The following PPP6R2 variants were observed in gnomAD, a reference collection of about 807,000 sequenced individuals.
PPP6R2 encodes serine/threonine-protein phosphatase 6 regulatory subunit 2.
A neutral mutation model predicts 100.2 loss-of-function variants in PPP6R2; 62 were observed. The ratio of observed to expected loss-of-function variants is 0.62; its 90% confidence interval spans 0.50 to 0.76. The LOEUF is 0.76. Among genes scored for constraint, PPP6R2 ranks in the 30% least tolerant of loss-of-function variants. The pLI is 0.00. For synonymous variants in PPP6R2, 525 were observed against 514.7 expected (o/e 1.02, Z -0.27); for missense variants, 1,142 against 1,276.3 (o/e 0.89, Z 1.60).
chr22:50,422,185 A>C (rs913486167), intron 8 of PPP6R2, 69 bp from the exon 9 acceptor site: 15 of 1,565,912 alleles, frequency 9.6e-6, no homozygotes, highest in African/African-American at 1.4e-5. Flanking sequence ...AAGCGGGTGC[A>C]CTGAGTTGCT....
chr22:50,431,021 G>A lies in PPP6R2; in HGVS notation c.1126-152G>A. 1.5e-6 allele frequency: 1 copy of A among 681,748 alleles called. No individual in the cohort carries two copies. Among genetic ancestry groups the A allele is most frequent in the South Asian group, 1.8e-5 (1 of 56,812 alleles). 42.2% of individuals were successfully genotyped at this position (681,748 alleles called of 1,614,324 possible). A position where few individuals can be genotyped will look rare whatever the true frequency, so the allele number is the denominator to read the frequency against. On this transcript the variant is annotated intron_variant, in intron 10 of 23. Transcript: ENST00000612753. The surrounding 1 kb of genome is among the most constrained non-coding windows in gnomAD (Gnocchi z 4.8). ...CTCCGTAATAGAGAGATGACCCTCAGGAAAACGCTTAAAACTCCTTCCTAG... is the reference window on the plus strand; with the variant it reads ...CTCCGTAATAGAGAGATGACCCTCAAGAAAACGCTTAAAACTCCTTCCTAG...
chr22:50,393,421 T>G, intron 2 of PPP6R2: 2 of 985,120 alleles, frequency 2.0e-6, no homozygotes. Context: ...CAGTGTTCAC[T>G]CAGGACAGAA....
intron 1 of PPP6R2, among the ~76,000 whole-genome samples, chr22:50,351,641 T>G (rs2045290729): frequency 6.6e-6 from 1 of 152,078 alleles, no homozygotes; most frequent in African/African-American, 2.4e-5. Flanking sequence ...TTGTTTTTTG[T>G]TTTTTGTTTT....
intron 2 of PPP6R2, among the ~76,000 whole-genome samples, chr22:50,372,520 G>T (rs1569320051): frequency 6.6e-6 from 1 of 151,986 alleles, no homozygotes; most frequent in Non-Finnish European, 1.5e-5. Context: ...CTGTACTCCA[G>T]TCTGGGCGAC....
the PPP6R2 span, among the ~76,000 whole-genome samples, chr22:50,334,082 G>A: frequency 6.6e-6 from 1 of 152,272 alleles, no homozygotes; most frequent in Non-Finnish European, 1.5e-5. Flanking sequence ...GCGGAGCCAG[G>A]TGTACAGGGC....
intron 1 of PPP6R2, among the ~76,000 whole-genome samples, chr22:50,367,770 CTT>C (rs907381881): frequency 1.3e-5 from 2 of 152,050 alleles, no homozygotes; most frequent in Non-Finnish European, 2.9e-5. Flanking sequence ...GGGTTTTTCT[CTT>C]TGTGTGCGGA....
chr22:50,338,687 GGTGTGTGTGGTGTGTGTAGGGTGTGTGGT>G (rs1569218431), upstream of PPP6R2, among the ~76,000 whole-genome samples: 1 of 138,120 alleles, frequency 7.2e-6, no homozygotes, highest in East Asian at 2.3e-4. Flanking sequence ...TGTAGTATGT[GGTGTGTGTGGTGTGTGTAGGGTGTGTGGT>G]GTGTGTGTGG....
chr22:50,386,993 C>G (rs1031452473), intron 2 of PPP6R2, among the ~76,000 whole-genome samples: 3 of 152,128 alleles, frequency 2.0e-5, no homozygotes, highest in Non-Finnish European at 4.4e-5. Context: ...CCTGCTCTTC[C>G]GCGGTACCTT....
intron 2 of PPP6R2, among the ~76,000 whole-genome samples, chr22:50,392,340 G>GA (rs34539629): frequency 0.028 from 3,288 of 117,530 alleles, 119 homozygotes; most frequent in African/African-American, 0.087. Flanking sequence ...TGTCTCTACA[G>GA]AAAAAAAAAA....
intron 1 of PPP6R2, among the ~76,000 whole-genome samples, chr22:50,359,624 T>A (rs562320116): frequency 3.3e-5 from 5 of 152,332 alleles, no homozygotes; most frequent in South Asian, 4.1e-4. Flanking sequence ...ACATGTGATA[T>A]GTTAAATTAA....
At position 50,364,300 on chromosome 22, in the gene PPP6R2, T is replaced by C. The variant is rs143134653; in HGVS notation, c.-147-7720T>C. On this transcript the variant is annotated intron_variant, in intron 1 of 23. Coordinates refer to ENST00000612753, the MANE Select transcript of PPP6R2 (RefSeq NM_001242898.2). ...TGAGAGAAGTGTCATACTTGAAATA[T>C]GTATTTAAAGCAATGTACCATTTTT... Among the ~76,000 whole-genome samples the C allele has an allele frequency of 1.8e-3, 271 of 152,258 alleles. 1 individual carries two copies. The highest frequency in any genetic ancestry group is 0.01 in the Middle Eastern group (3 of 294).
At chr22:50,440,450 C>G (rs1021653956) in intron 21 of PPP6R2, among the ~76,000 whole-genome samples, 2 of 147,172 alleles carry the variant, frequency 1.4e-5, no homozygotes, top group Non-Finnish European at 3.1e-5. Context: ...CCAGATAAGG[C>G]TGAGAGCTCC....
chr22:50,363,310 C>G (rs1310580185), intron 1 of PPP6R2, among the ~76,000 whole-genome samples: 1 of 152,182 alleles, frequency 6.6e-6, no homozygotes, highest in Non-Finnish European at 1.5e-5. Context: ...AAGTTGCAAT[C>G]TGTGCTTTAG....
chr22:50,338,913 A>AGTGTGTGTGGTATGTGGT (rs2042335563), upstream of PPP6R2, among the ~76,000 whole-genome samples: 4 of 71,550 alleles, frequency 5.6e-5, no homozygotes, highest in South Asian at 2.4e-3. Context: ...TGTGTGTGGT[A>AGTGTGTGTGGTATGTGGT]GTGTGTGTGG....
At chr22:50,339,253 GTT>G (rs1299180443), upstream of PPP6R2, among the ~76,000 whole-genome samples, 3 of 136,138 alleles carry the variant, frequency 2.2e-5, no homozygotes, top group East Asian at 2.2e-4. Flanking sequence ...TGTTGTGTGT[GTT>G]GTGTGATTGT....
At chr22:50,414,527 G>A in intron 4 of PPP6R2, 25 bp from the exon 5 acceptor site, 1 of 1,611,372 alleles carries the variant, frequency 6.2e-7, no homozygotes, top group South Asian at 1.1e-5. Context: ...GGCCCCGCCT[G>A]CCTCTCAGGT....
chr22:50,423,215 G>A lies in PPP6R2; in HGVS notation c.973-247G>A, dbSNP rs115593502. On this transcript the variant is annotated intron_variant, in intron 9 of 23. Transcript: ENST00000612753. The surrounding 1 kb of genome is among the most constrained non-coding windows in gnomAD (Gnocchi z 4.8). ...GGTGCACGGCTCTCTGGCCCTGCAG[G>A]CTCAGACTGGAGTGCCCGTGAGCAT... Among the ~76,000 whole-genome samples, 2,832 of 152,312 alleles carry A rather than the reference G, an allele frequency of 0.019. 46 individuals carry two copies. The highest frequency in any genetic ancestry group is 0.075 in the East Asian group (390 of 5,178).
In PPP6R2 at chr22:50,432,244, TCC is replaced by T. The variant is rs1165315714; in HGVS notation, c.1336-17_1336-16del. 6.5e-7 allele frequency: 1 copy of T among 1,547,670 alleles called. No homozygotes were observed. Among genetic ancestry groups the T allele is most frequent in the Non-Finnish European group, 8.7e-7 (1 of 1,145,290 alleles). ...CGCCTTCAGACCCTGACTCACGCTG[TCC>T]CCCTGCCCCGCCCCCCAGCTGTTCC... is the stretch of plus-strand genomic sequence containing the variant. On this transcript the variant is annotated intron_variant, in intron 11 of 23. Transcript: ENST00000612753.
At chr22:50,360,313 A>C (rs1481548720) in intron 1 of PPP6R2, among the ~76,000 whole-genome samples, 1 of 148,112 alleles carries the variant, frequency 6.8e-6, no homozygotes, top group African/African-American at 2.5e-5. Flanking sequence ...GGCCTCCCAA[A>C]GTGCTGGGAT....
Sources: gnomAD v4.1 joint callset for allele counts (sites outside exome capture counted in the v4.1 genomes callset) on GRCh38, gnomAD v4.1.1 for gene constraint, Gnocchi (gnomAD v3.1) non-coding constraint, MANE v1.5 for transcripts, NCBI Gene and HGNC (gene_info 2026-07-23, HGNC 2026-07-21) for gene names.